Variants in TTN observed in about 807,000 individuals in gnomAD.
The protein encoded by TTN is titin.
In TTN, 1,525 loss-of-function variants were observed where a neutral mutation model predicts 3,223.0. That is an observed-to-expected ratio of 0.47 (90% CI 0.45 to 0.49). The LOEUF is 0.49. Ranked by LOEUF, TTN falls within the 20% of genes least tolerant of loss-of-function variation. The pLI, the probability that TTN is intolerant of heterozygous loss-of-function variation, is 0.00. For missense variants in TTN, 40,786 were observed against 43,424.0 expected, an observed-to-expected ratio of 0.94 and a Z score of 5.40; for synonymous variants, 14,094 against 15,161.0, an observed-to-expected ratio of 0.93 and a Z score of 5.17.
chr2:178,665,481 T>C, intron 164 of TTN, 21 bp from the exon 165 acceptor site: 1 of 1,609,164 alleles, frequency 6.2e-7, no homozygotes, highest in Non-Finnish European at 8.5e-7. Flanking sequence ...ATTAGTATTA[T>C]GGTTAGAGGT....
rs753557450 is a variant in TTN at position 178,723,568 on chromosome 2, C to G, written c.21532G>C (p.Val7178Leu). The G allele has an allele frequency of 6.2e-7, 1 of 1,613,398 alleles. No individual in the cohort carries two copies. The highest frequency in any genetic ancestry group is 1.7e-5 in the Admixed American group (1 of 59,964). The change falls in exon 74 of 363, where the codon GTG becomes CTG. Residue 7178 changes from valine to leucine, a missense_variant. Transcript: ENST00000589042. ...TAGATGTTGCACCGGTCTCCTTTCACTAGTTCTCTGGCACCTCTGAACCAG... is the reference window on the plus strand; with the variant it reads ...TAGATGTTGCACCGGTCTCCTTTCAGTAGTTCTCTGGCACCTCTGAACCAG... Reference protein sequence around the residue: ...VNWFRGARELVKGDRCNIYFE... With the variant: ...VNWFRGARELLKGDRCNIYFE...
At position 178,530,011 on chromosome 2, in the gene TTN, C is replaced by T. The variant is rs1310141973; in HGVS notation, c.106480G>A (p.Val35494Ile). Reference protein sequence around the residue: ...TSDSGLYTCTVKNSAGSVSSS... With the variant: ...TSDSGLYTCTIKNSAGSVSSS... ...GACACAGATCCAGCTGAATTTTTTA[C>T]TGTACAAGTATAAAGTCCACTGTCA... is the stretch of plus-strand genomic sequence containing the variant. The change falls in exon 359 of 363, where the codon GTA (valine) becomes ATA (isoleucine). Residue 35494 changes from valine (V) to isoleucine (I), a missense_variant. Physicochemically the swap from Val to Ile is conservative, Grantham distance 29. Coordinates refer to ENST00000589042, the MANE Select transcript of TTN (RefSeq NM_001267550.2). 6.2e-7 allele frequency: 1 copy of T among 1,605,104 alleles called. No individual in the cohort carries two copies. The highest frequency in any genetic ancestry group is 1.7e-5 in the Admixed American group (1 of 57,418).
chr2:178,530,837 G>A lies in TTN; in HGVS notation c.105778C>T (p.His35260Tyr). Residue 35260 changes from histidine to tyrosine, a missense_variant, in exon 358 of 363, where the codon CAC (histidine) becomes TAC (tyrosine). By Grantham distance (83) the His-to-Tyr change is moderately conservative. Transcript: ENST00000589042. The part of the protein sequence containing the change: ...PKRVKSPEPS[H>Y]PKAVSPTETK... ...TCTGTGGGTGATACGGCTTTCGGGT[G>A]AGAAGGTTCTGGAGATTTCACTCGT... is the stretch of plus-strand genomic sequence containing the variant. The A allele has an allele frequency of 6.2e-7, 1 of 1,613,878 alleles. No individual in the cohort carries two copies. The highest frequency in any genetic ancestry group is 8.5e-7 in the Non-Finnish European group (1 of 1,179,874).
chr2:178,533,176 G>A lies in TTN; in HGVS notation c.103439C>T (p.Thr34480Ile). 1 of 1,613,944 alleles carries A rather than the reference G, an allele frequency of 6.2e-7. No individual in the cohort carries two copies. Among genetic ancestry groups the A allele is most frequent in the Non-Finnish European group, 8.5e-7 (1 of 1,179,868 alleles). The change falls in exon 358 of 363, where the codon ACC becomes ATC. Residue 34480 changes from threonine (T) to isoleucine (I), a missense_variant. Thr to Ile is a moderately conservative substitution (Grantham distance 89). Transcript: ENST00000589042. ...AGAAAGAATTTCAGCCATTCTGAGG[G>A]TTTTGTCAATTTGTTTTTGTACGTG... ...ERHVQKQIDK[T>I]LRMAEILSGT...
At chr2:178,747,214 G>C (rs771387665) in intron 47 of TTN, 1 of 1,608,514 alleles carries the variant, frequency 6.2e-7, no homozygotes, top group Admixed American at 1.7e-5. Flanking sequence ...GAGGTGTGGA[G>C]TATCTCTCTA....
At position 178,587,118 on chromosome 2, in the gene TTN, T is replaced by C. The variant is rs758027672; in HGVS notation, c.64093A>G (p.Ser21365Gly). ...PKPVLASDPL[S>G]EPDPPRKLEV... The stretch of plus-strand genomic sequence containing the variant: ...AGGAGGAAGAAAGCATAATACTTAC[T>C]TAGAGGATCTGATGCAAGCACTGGT... The change falls in exon 307 of 363, where the codon AGT (serine) becomes GGT (glycine). Residue 21365 changes from serine (S) to glycine (G), a missense_variant and splice_region_variant. Coordinates refer to ENST00000589042, the MANE Select transcript of TTN (RefSeq NM_001267550.2). 2 of 1,613,216 alleles carry C rather than the reference T, an allele frequency of 1.2e-6. No individual in the cohort carries two copies. Among genetic ancestry groups the C allele is most frequent in the Non-Finnish European group, 8.5e-7 (1 of 1,179,378 alleles).
rs2048549278 is a variant in TTN, at chr2:178,584,689, A to C, written c.64952T>G (p.Met21651Arg). ...CATACCAAATGGGAACTGCGCAACCATCTTTGGAGATGTGAGAGGCTCTGA... is the reference window on the plus strand; with the variant it reads ...CATACCAAATGGGAACTGCGCAACCCTCTTTGGAGATGTGAGAGGCTCTGA... ...GISEPLTSPK[M>R]VAQFPFGVPS... The change falls in exon 310 of 363, where the codon ATG (methionine) becomes AGG (arginine). Residue 21651 changes from methionine (M) to arginine (R), a missense_variant. By Grantham distance (91) the Met-to-Arg change is moderately conservative. Coordinates refer to ENST00000589042, the MANE Select transcript of TTN (RefSeq NM_001267550.2). The C allele has an allele frequency of 6.2e-7, 1 of 1,613,316 alleles. No homozygotes were observed. Among genetic ancestry groups the C allele is most frequent in the African/African-American group, 1.3e-5 (1 of 74,886 alleles).
chr2:178,736,203 T>C, intron 49 of TTN, 129 bp from the exon 50 acceptor site: 1 of 812,762 alleles, frequency 1.2e-6, no homozygotes, highest in Non-Finnish European at 1.8e-6. Context: ...TAAAATGGAG[T>C]AATGTGTTAA....
chr2:178,633,725 T>C, intron 231 of TTN, 49 bp from the exon 232 acceptor site: 3 of 1,606,194 alleles, frequency 1.9e-6, no homozygotes, highest in Non-Finnish European at 2.5e-6. Context: ...AAATTAAAGT[T>C]TATTAAAGAG....
rs374862499 is a variant in TTN, at chr2:178,530,402, T to G, written c.106213A>C (p.Thr35405Pro). ...SDQKTTESTV[T>P]RKTEPKAPEP... ...GGAGCTTTTGGTTCAGTTTTTCTGG[T>G]TACTGTTGACTCAGTGGTTTTCTGA... The change falls in exon 358 of 363, where the codon ACC becomes CCC. Residue 35405 changes from threonine to proline, a missense_variant. Physicochemically the swap from Thr to Pro is conservative, Grantham distance 38. Transcript: ENST00000589042. 6.2e-6 allele frequency: 10 copies of G among 1,613,872 alleles called. No individual in the cohort carries two copies. The highest frequency in any genetic ancestry group is 8.5e-6 in the Non-Finnish European group (10 of 1,179,892).
At chr2:178,649,972 C>T in intron 210 of TTN, 78 bp from the exon 211 acceptor site, 12 of 1,505,592 alleles carry the variant, frequency 8.0e-6, no homozygotes, top group Non-Finnish European at 1.1e-5. Flanking sequence ...TTAAAAACCA[C>T]ACATATTTCT....
chr2:178,750,926 C>T lies in TTN; in HGVS notation c.11311+2198G>A, dbSNP rs1424099730. Reference sequence around the variant, plus strand: ...GGTATTTTCATTTACTAGAATTTCACCATATAAATGGTCTTTTGGTAGACT... The same window carrying T: ...GGTATTTTCATTTACTAGAATTTCATCATATAAATGGTCTTTTGGTAGACT... On this transcript the variant is annotated intron_variant, in intron 47 of 362. Coordinates refer to ENST00000589042, the MANE Select transcript of TTN (RefSeq NM_001267550.2). The T allele has an allele frequency of 6.2e-7, 1 of 1,612,760 alleles. No homozygotes were observed. Among genetic ancestry groups the T allele is most frequent in the African/African-American group, 1.3e-5 (1 of 74,838 alleles).
chr2:178,570,036 C>G lies in TTN; in HGVS notation c.76096G>C (p.Val25366Leu), dbSNP rs571834965. Residue 25366 changes from valine (V) to leucine (L), a missense_variant, in exon 326 of 363, where the codon GTA (valine) becomes CTA (leucine). Coordinates refer to ENST00000589042, the MANE Select transcript of TTN (RefSeq NM_001267550.2). ...TCGTGATTTTCTATGAGTCCAGTTA[C>G]TCTCAGGCGCAACTCTCCAATCAGA... Reference protein sequence around the residue: ...KRLIGELRLRVTGLIENHDYE... With the variant: ...KRLIGELRLRLTGLIENHDYE... The G allele has an allele frequency of 1.2e-6, 2 of 1,613,316 alleles. No individual in the cohort carries two copies. Among genetic ancestry groups the G allele is most frequent in the South Asian group, 2.2e-5 (2 of 91,058 alleles).
chr2:178,756,180 T>C, intron 46 of TTN, 42 bp downstream of exon 46: 29 of 1,418,898 alleles, frequency 2.0e-5, no homozygotes, highest in Non-Finnish European at 2.8e-5. Context: ...CATAAAGCGA[T>C]GAGGATGAAA....
chr2:178,535,817 C>T lies in TTN; in HGVS notation c.100798G>A (p.Glu33600Lys). 1 of 1,591,788 alleles carries T rather than the reference C, an allele frequency of 6.3e-7. No homozygotes were observed. The change falls in exon 358 of 363, where the codon GAA (glutamate) becomes AAA (lysine). Residue 33600 changes from glutamate to lysine, a missense_variant. Coordinates refer to ENST00000589042, the MANE Select transcript of TTN (RefSeq NM_001267550.2). Reference protein sequence around the residue: ...PAKIHLPKTLEGMGAVHALRG... With the variant: ...PAKIHLPKTLKGMGAVHALRG... The stretch of plus-strand genomic sequence containing the variant: ...AGAGCATGAACTGCTCCCATGCCTT[C>T]AAGAGTTTTAGGTAAGTGTATCTTA...
rs727503670 is a variant in TTN at position 178,751,174 on chromosome 2, CA to C, written c.11311+1949del. The C allele has an allele frequency of 5.2e-5, 84 of 1,611,558 alleles. No individual in the cohort carries two copies. The South Asian group carries it at 9.1e-4, about 18-fold the overall frequency. Reference sequence around the variant, plus strand: ...TGATTTTCATGTCCTCTCTAGAGAACAGAATATCTTTATCACTAGCTTCACT... The same window carrying C: ...TGATTTTCATGTCCTCTCTAGAGAACGAATATCTTTATCACTAGCTTCACT... On this transcript the variant is annotated intron_variant, in intron 47 of 362. Transcript: ENST00000589042.
intron 294 of TTN, among the ~76,000 whole-genome samples, chr2:178,596,504 G>C (rs1023149401): frequency 6.6e-6 from 1 of 152,034 alleles, no homozygotes; most frequent in Non-Finnish European, 1.5e-5. Flanking sequence ...CGGAGAGAGA[G>C]ATGGTTTATT....
At position 178,804,601 on chromosome 2, in the gene TTN, G is replaced by A. The variant is rs925948430; in HGVS notation, c.42C>T (p.Ser14=). The change falls in exon 2 of 363, where the codon AGC becomes AGT. Residue 14 remains serine (S), a synonymous_variant. Coordinates refer to ENST00000589042, the MANE Select transcript of TTN (RefSeq NM_001267550.2). ...QAPTFTQPLQ[S]VVVLEGSTAT... Reference sequence around the variant, plus strand: ...CGGTACTACCCTCCAGTACCACAACGCTTTGTAACGGCTGCGTAAACGTCG... The same window carrying A: ...CGGTACTACCCTCCAGTACCACAACACTTTGTAACGGCTGCGTAAACGTCG... 1.2e-5 allele frequency: 20 copies of A among 1,613,840 alleles called. No homozygotes were observed. The highest frequency in any genetic ancestry group is 4.5e-5 in the East Asian group (2 of 44,878).
rs770243060 is a variant in TTN, at chr2:178,724,353, G to T, written c.21022C>A (p.Leu7008Ile). Residue 7008 changes from leucine (L) to isoleucine (I), a missense_variant, in exon 72 of 363, where the codon CTC becomes ATC. Coordinates refer to ENST00000589042, the MANE Select transcript of TTN (RefSeq NM_001267550.2). Reference protein sequence around the residue: ...FYNKISSLRILSVERQDAGTY... With the variant: ...FYNKISSLRIISVERQDAGTY... ...CCTGCATCTTGCCTTTCAACTGAGA[G>T]AATCCTTAAGGAAGAGATTTTGTTG... The T allele has an allele frequency of 3.7e-6, 6 of 1,613,594 alleles. No individual in the cohort carries two copies. The East Asian group carries it at 6.7e-5, about 18-fold the overall frequency.
Sources: gnomAD v4.1 joint callset for allele counts (sites outside exome capture counted in the v4.1 genomes callset) on GRCh38, gnomAD v4.1.1 for gene constraint, MANE v1.5 for transcripts, NCBI Gene and HGNC (gene_info 2026-07-23, HGNC 2026-07-21) for gene names.